Variants in NMBR observed in about 807,000 individuals in gnomAD.
NMBR encodes the protein neuromedin B receptor, also known as neuromedin-B receptor.
NMBR carries 16 observed loss-of-function variants against 20.5 expected under a neutral mutation model. The ratio of observed to expected loss-of-function variants is 0.78; its 90% confidence interval spans 0.53 to 1.19. The LOEUF (loss-of-function observed/expected upper bound fraction) is 1.19, where lower values mean the gene tolerates loss of function less well. Among genes scored for constraint, NMBR ranks in the 50% most tolerant of loss-of-function variants. NMBR has a pLI of 0.00. For synonymous variants in NMBR, 212 were observed against 196.6 expected, an observed-to-expected ratio of 1.08 and a Z score of -0.65; for missense variants, 582 against 499.1, an observed-to-expected ratio of 1.17 and a Z score of -1.58.
At chr6:142,106,701 A>T (rs1020119082) in intron 1 of NMBR, among the ~76,000 whole-genome samples, 1 of 152,228 alleles carries the variant, frequency 6.6e-6, no homozygotes, top group African/African-American at 2.4e-5. Context: ...CTAAAAAGAC[A>T]ACTCTTAGGT....
At chr6:142,087,702 A>G (rs1374913876) in intron 2 of NMBR, among the ~76,000 whole-genome samples, 1 of 152,232 alleles carries the variant, frequency 6.6e-6, no homozygotes, top group African/African-American at 2.4e-5. Context: ...AAGAACATTT[A>G]TTAATCTAAT....
chr6:142,088,138 C>T, intron 2 of NMBR, 99 bp downstream of exon 2: 1 of 1,237,604 alleles, frequency 8.1e-7, no homozygotes, highest in South Asian at 1.4e-5. Flanking sequence ...CCAACCTTTC[C>T]TTGCGTCCTT....
intron 2 of NMBR, among the ~76,000 whole-genome samples, chr6:142,086,822 G>T (rs529350352): frequency 3.3e-5 from 5 of 152,242 alleles, no homozygotes; most frequent in African/African-American, 1.2e-4. Flanking sequence ...CCAACCCTGG[G>T]TCTTGCTACC....
chr6:142,082,223 T>C (rs948507663), intron 2 of NMBR, among the ~76,000 whole-genome samples: 2 of 152,210 alleles, frequency 1.3e-5, no homozygotes, highest in African/African-American at 4.8e-5. Context: ...AAAGTCTGAG[T>C]GTGAACCGCA....
intron 1 of NMBR, among the ~76,000 whole-genome samples, chr6:142,092,210 A>G (rs1177435030): frequency 6.6e-6 from 1 of 152,050 alleles, no homozygotes; most frequent in African/African-American, 2.4e-5. Flanking sequence ...ATTAAAATGG[A>G]ACTGGCGAAA....
intron 3 of NMBR, among the ~76,000 whole-genome samples, chr6:142,076,627 A>G (rs939567017): frequency 2.0e-5 from 3 of 152,152 alleles, no homozygotes; most frequent in Non-Finnish European, 4.4e-5. Flanking sequence ...ATAAAAATAA[A>G]TTTTCCTTCT....
chr6:142,145,763 C>G (rs1191685759), intron 1 of NMBR, among the ~76,000 whole-genome samples: 1 of 152,164 alleles, frequency 6.6e-6, no homozygotes, highest in African/African-American at 2.4e-5. Context: ...CATCTGTGGA[C>G]TACAGCACTG....
At chr6:142,124,473 A>G (rs1382051366) in intron 1 of NMBR, among the ~76,000 whole-genome samples, 1 of 151,834 alleles carries the variant, frequency 6.6e-6, no homozygotes, top group Non-Finnish European at 1.5e-5. Flanking sequence ...CATTTTCTCC[A>G]TTTTACAGAT....
In NMBR at chr6:142,075,476, A is replaced by G. The variant is rs1312131151; in HGVS notation, c.*172T>C. ...CTTTTCTCATATTCTAATTATTAGG[A>G]AATGAAAAGAGAAAAAATAAAGTCT... On this transcript the variant is annotated 3_prime_UTR_variant, in exon 4 of 4. Transcript: ENST00000258042. 3 of 560,910 alleles carry G rather than the reference A, an allele frequency of 5.3e-6. No homozygotes were observed. The highest frequency in any genetic ancestry group is 9.3e-6 in the Non-Finnish European group (3 of 322,806). 34.7% of individuals were successfully genotyped at this position (560,910 alleles called of 1,614,324 possible).
chr6:142,076,940 A>T (rs903631670), intron 3 of NMBR, among the ~76,000 whole-genome samples: 1 of 152,204 alleles, frequency 6.6e-6, no homozygotes, highest in South Asian at 2.1e-4. Context: ...TGGGATTGGA[A>T]CATATCTGAT....
chr6:142,126,745 G>C (rs1361953501), intron 1 of NMBR, among the ~76,000 whole-genome samples: 2 of 119,498 alleles, frequency 1.7e-5, no homozygotes, highest in Non-Finnish European at 3.4e-5. Flanking sequence ...TTTGAGTCAG[G>C]TTATTTGAGG....
intron 1 of NMBR, among the ~76,000 whole-genome samples, chr6:142,117,182 A>G (rs1777870574): frequency 6.6e-6 from 1 of 152,000 alleles, no homozygotes; most frequent in Admixed American, 6.6e-5. Context: ...CCAAACATAT[A>G]GAGCTAGAGA....
intron 1 of NMBR, among the ~76,000 whole-genome samples, chr6:142,102,781 C>T (rs1391379130): frequency 6.6e-6 from 1 of 152,174 alleles, no homozygotes; most frequent in Non-Finnish European, 1.5e-5. Flanking sequence ...TTTATCAAGG[C>T]ATAAAGTTGT....
intron 1 of NMBR, chr6:142,133,737 G>T: frequency 1.9e-6 from 1 of 518,744 alleles, no homozygotes; most frequent in South Asian, 3.4e-5. Flanking sequence ...GGTCTATTTG[G>T]CTTCAAAACT....
intron 1 of NMBR, among the ~76,000 whole-genome samples, chr6:142,146,233 A>G (rs2114619842): frequency 6.6e-6 from 1 of 152,286 alleles, no homozygotes; most frequent in African/African-American, 2.4e-5. Context: ...GAGGACATGG[A>G]GCGGTTTCTT....
chr6:142,099,615 G>A (rs570200812), intron 1 of NMBR, among the ~76,000 whole-genome samples: 3 of 152,022 alleles, frequency 2.0e-5, no homozygotes, highest in Non-Finnish European at 4.4e-5. Context: ...GGGACACAGA[G>A]ACAAACCATA....
At chr6:142,084,516 A>T (rs959417396) in intron 2 of NMBR, among the ~76,000 whole-genome samples, 23 of 152,156 alleles carry the variant, frequency 1.5e-4, no homozygotes, top group Non-Finnish European at 2.4e-4. Flanking sequence ...TTTATTTTTT[A>T]AATTTAATTT....
chr6:142,100,807 T>C (rs1484546227), intron 1 of NMBR, among the ~76,000 whole-genome samples: 1 of 152,216 alleles, frequency 6.6e-6, no homozygotes, highest in Non-Finnish European at 1.5e-5. Flanking sequence ...GTAGAGGGTA[T>C]AGGAGACATA....
At chr6:142,086,961 GA>G (rs1412939242) in intron 2 of NMBR, among the ~76,000 whole-genome samples, 1 of 152,156 alleles carries the variant, frequency 6.6e-6, no homozygotes, top group Non-Finnish European at 1.5e-5. Context: ...ATTGCATAAA[GA>G]GGGGCAGCTA....
Sources: allele counts gnomAD v4.1 joint callset (sites outside exome capture counted in the v4.1 genomes callset), GRCh38; gene constraint gnomAD v4.1.1; transcripts MANE v1.5; gene names NCBI Gene and HGNC (gene_info 2026-07-23, HGNC 2026-07-21).